Variants in PBRM1 observed in about 807,000 individuals in gnomAD.
PBRM1 encodes protein polybromo-1.
PBRM1 carries 27 observed loss-of-function variants against 194.5 expected under a neutral mutation model. The ratio of observed to expected loss-of-function variants is 0.14; its 90% confidence interval spans 0.10 to 0.19. The LOEUF (loss-of-function observed/expected upper bound fraction) is 0.19, where lower values mean the gene tolerates loss of function less well. Among genes scored for constraint, PBRM1 ranks in the 10% least tolerant of loss-of-function variants. The pLI is 1.00. For missense variants in PBRM1, 1,466 were observed against 2,077.2 expected (o/e 0.71, Z 5.72); for synonymous variants, 655 against 693.2 (o/e 0.94, Z 0.87).
At chr3:52,574,470 C>T (rs953060216) in intron 22 of PBRM1, among the ~76,000 whole-genome samples, 1 of 152,106 alleles carries the variant, frequency 6.6e-6, no homozygotes. Context: ...CAGCTGTTGC[C>T]GGCTGGGGCA....
At chr3:52,655,062 T>A (rs1000956415) in intron 5 of PBRM1, among the ~76,000 whole-genome samples, 2 of 151,940 alleles carry the variant, frequency 1.3e-5, no homozygotes, top group African/African-American at 4.8e-5. Flanking sequence ...TCTTTTATAA[T>A]TTTTTTTACT....
chr3:52,662,157 G>C (rs920146921), exon 4 of PBRM1: 2 of 1,613,908 alleles, frequency 1.2e-6, no homozygotes, highest in African/African-American at 2.7e-5. Flanking sequence ...TGCCCTGATT[G>C]TCTTGCCCAT....
At chr3:52,630,882 G>C (rs191377525) in intron 11 of PBRM1, among the ~76,000 whole-genome samples, 1 of 152,210 alleles carries the variant, frequency 6.6e-6, no homozygotes, top group African/African-American at 2.4e-5. Flanking sequence ...GTCTTCTTTT[G>C]AACTAAGCTA....
At chr3:52,636,767 A>AAAAAAAAAAAAAAAAAAAAAC (rs2095834445) in intron 10 of PBRM1, among the ~76,000 whole-genome samples, 1 of 144,732 alleles carries the variant, frequency 6.9e-6, no homozygotes, top group African/African-American at 2.6e-5. Context: ...CAAAAAAAAA[A>AAAAAAAAAAAAAAAAAAAAAC]AAAAAAAAAA....
chr3:52,608,632 CTTT>C (rs35189714), intron 16 of PBRM1, among the ~76,000 whole-genome samples: 1 of 147,236 alleles, frequency 6.8e-6, no homozygotes, highest in Non-Finnish European at 1.5e-5. Flanking sequence ...AGGTTTGTAT[CTTT>C]TTTTTTTTTA....
At chr3:52,584,371 G>T in intron 20 of PBRM1, among the ~76,000 whole-genome samples, 1 of 146,132 alleles carries the variant, frequency 6.8e-6, no homozygotes, top group Non-Finnish European at 1.5e-5. Context: ...TATGGATTTT[G>T]AAATTTCTAT....
intron 22 of PBRM1, among the ~76,000 whole-genome samples, chr3:52,574,981 GCCTC>G (rs2088954111): frequency 6.6e-6 from 1 of 152,074 alleles, no homozygotes; most frequent in African/African-American, 2.4e-5. Context: ...GCTCACTGCA[GCCTC>G]GACCTCCCTG....
chr3:52,632,740 G>A (rs556526067), intron 11 of PBRM1, among the ~76,000 whole-genome samples: 1 of 149,248 alleles, frequency 6.7e-6, no homozygotes, highest in Non-Finnish European at 1.5e-5. Context: ...CCAGGCTGGA[G>A]TGCAGTGGTG....
chr3:52,574,191 C>T (rs1174822485), intron 22 of PBRM1, among the ~76,000 whole-genome samples: 2 of 152,208 alleles, frequency 1.3e-5, no homozygotes, highest in African/African-American at 4.8e-5. Context: ...CAGCATCTGG[C>T]AAGGGCTTTC....
At chr3:52,634,364 G>A (rs1163009563) in intron 11 of PBRM1, among the ~76,000 whole-genome samples, 1 of 149,718 alleles carries the variant, frequency 6.7e-6, no homozygotes, top group African/African-American at 2.5e-5. Flanking sequence ...CTGAACCCAG[G>A]AGGCGGAGGT....
chr3:52,624,085 A>G (rs1256134536), intron 13 of PBRM1, among the ~76,000 whole-genome samples: 1 of 152,230 alleles, frequency 6.6e-6, no homozygotes, highest in Non-Finnish European at 1.5e-5. Flanking sequence ...GTAGGAAAAT[A>G]ATCTTTCCTA....
At chr3:52,576,404 G>T in intron 22 of PBRM1, 137 bp downstream of exon 24, 2 of 528,196 alleles carry the variant, frequency 3.8e-6, no homozygotes, top group Non-Finnish European at 3.2e-6. Context: ...CCCAATCTCT[G>T]CCCCAACATA....
chr3:52,605,666 G>A lies in PBRM1; in HGVS notation c.2568-1934C>T, dbSNP rs1366248599. 2.7e-5 allele frequency among the ~76,000 whole-genome samples: 4 copies of A among 150,766 alleles called. No individual in the cohort carries two copies. The South Asian group carries it at 6.3e-4, about 24-fold the overall frequency. ...TGCCCAGGCTGGAGTACAGTGGTGC[G>A]GTCTCAGCTCATTGCAACCTCTGCC... On this transcript the variant is annotated intron_variant, in intron 16 of 29. Coordinates refer to ENST00000296302, the Ensembl canonical transcript of PBRM1.
chr3:52,578,260 A>G (rs2090208175), intron 21 of PBRM1, among the ~76,000 whole-genome samples: 1 of 151,996 alleles, frequency 6.6e-6, no homozygotes. Flanking sequence ...CATACTATAC[A>G]CTTTACTTAT....
chr3:52,596,653 C>T (rs1157324108), intron 17 of PBRM1, among the ~76,000 whole-genome samples: 1 of 151,884 alleles, frequency 6.6e-6, no homozygotes, highest in African/African-American at 2.4e-5. Context: ...GAGCTAGGGC[C>T]TGGAATGGGT....
chr3:52,630,531 C>T (rs981100495), intron 11 of PBRM1, among the ~76,000 whole-genome samples: 3 of 152,178 alleles, frequency 2.0e-5, no homozygotes, highest in Non-Finnish European at 4.4e-5. Flanking sequence ...TTTTCATCAA[C>T]GCAGAAAGTT....
chr3:52,553,700 C>T (rs1178754669), intron 27 of PBRM1, among the ~76,000 whole-genome samples: 4 of 139,234 alleles, frequency 2.9e-5, no homozygotes, highest in Middle Eastern at 4.5e-3. Flanking sequence ...GTCTTGCTGT[C>T]GCCCAGGCTG....
At chr3:52,641,382 C>T (rs904634796) in intron 10 of PBRM1, among the ~76,000 whole-genome samples, 8 of 137,730 alleles carry the variant, frequency 5.8e-5, no homozygotes, top group African/African-American at 2.1e-4. Context: ...GGCAGGCGGA[C>T]GTTGCAGTGA....
chr3:52,583,461 C>A (rs2153727467), intron 20 of PBRM1, among the ~76,000 whole-genome samples: 1 of 151,924 alleles, frequency 6.6e-6, no homozygotes, highest in East Asian at 1.9e-4. Flanking sequence ...GTGGTCTCAT[C>A]CTATACCAGG....
Sources: allele counts gnomAD v4.1 joint callset (sites outside exome capture counted in the v4.1 genomes callset), GRCh38; gene constraint gnomAD v4.1.1; transcripts MANE v1.5; gene names NCBI Gene and HGNC (gene_info 2026-07-23, HGNC 2026-07-21).